Variants in RASSF5 observed in about 807,000 individuals in gnomAD.
RASSF5 encodes the protein Ras association domain family member 5.
RASSF5 carries 25 observed loss-of-function variants against 40.5 expected under a neutral mutation model. That is an observed-to-expected ratio of 0.62 (90% CI 0.45 to 0.86). The LOEUF (loss-of-function observed/expected upper bound fraction) is 0.86, where lower values mean the gene tolerates loss of function less well. Among genes scored for constraint, RASSF5 ranks in the 40% least tolerant of loss-of-function variants. RASSF5 has a pLI of 0.00. For synonymous variants in RASSF5, 246 were observed against 252.4 expected (o/e 0.97, Z 0.24); for missense variants, 521 against 572.8 (o/e 0.91, Z 0.92).
chr1:206,538,324 G>C (rs1553398948), intron 2 of RASSF5, 31 bp downstream of exon 2: 3 of 1,611,014 alleles, frequency 1.9e-6, no homozygotes, highest in Non-Finnish European at 2.5e-6. Context: ...ACCAAGCTGG[G>C]AACAGCCTCT....
Position 206,587,069 on chromosome 1 carries a change from C to A in RASSF5, c.*91C>A. 6.7e-7 allele frequency: 1 copy of A among 1,482,842 alleles called. No individual in the cohort carries two copies. The highest frequency in any genetic ancestry group is 1.4e-5 in the African/African-American group (1 of 71,558). The allele number at this position is 1,482,842 out of a possible 1,614,324, so 91.9% of individuals were successfully genotyped here. ...ACAGACACTTTTTCTCAGGACATCT[C>A]TGGCAGGTGCATTTGTGCCTGCCCA... is the stretch of plus-strand genomic sequence containing the variant. On this transcript the variant is annotated 3_prime_UTR_variant, in exon 6 of 6. Coordinates refer to ENST00000579436, the MANE Select transcript of RASSF5 (RefSeq NM_182663.4).
Position 206,538,179 on chromosome 1 carries a change from A to G in RASSF5, c.465A>G (p.Lys155=), listed in dbSNP as rs147783798. 910 of 1,614,150 alleles carry G rather than the reference A, an allele frequency of 5.6e-4. 9 individuals are homozygous for G. In the African/African-American group the frequency reaches 9.2e-3, roughly 16 times the overall value. ...TTTGTTCTTTACCTCCAGACTGTAA[A>G]TTCACCTGTCACCCAGAATGCCGCA... ...LRQALRCTNC[K]FTCHPECRSL... is the part of the protein sequence containing the mutation. Residue 155 remains lysine, a synonymous_variant, in exon 2 of 6, where the codon AAA becomes AAG. Coordinates refer to ENST00000579436, the MANE Select transcript of RASSF5 (RefSeq NM_182663.4).
intron 2 of RASSF5, chr1:206,557,383 C>A: frequency 7.4e-7 from 1 of 1,356,340 alleles, no homozygotes; most frequent in Non-Finnish European, 9.5e-7. Flanking sequence ...AGCGCTCGCA[C>A]CCCGCTGAAA....
chr1:206,562,255 T>C (rs989944175), intron 2 of RASSF5, among the ~76,000 whole-genome samples: 2 of 152,130 alleles, frequency 1.3e-5, no homozygotes, highest in African/African-American at 4.8e-5. Flanking sequence ...GGTCCCCATC[T>C]CTCTGCTAGC....
At chr1:206,519,815 G>T (rs145311415) in intron 1 of RASSF5, among the ~76,000 whole-genome samples, 247 of 152,276 alleles carry the variant, frequency 1.6e-3, no homozygotes, top group African/African-American at 5.7e-3. Flanking sequence ...TGAGAAGTGG[G>T]AATTTTAATT....
rs1553407207 is a variant in RASSF5 at position 206,584,688 on chromosome 1, G to A, written c.988+4G>A. 2 of 1,614,196 alleles carry A rather than the reference G, an allele frequency of 1.2e-6. No homozygotes were observed. The highest frequency in any genetic ancestry group is 1.1e-5 in the South Asian group (1 of 91,090). On this transcript the variant is annotated splice_donor_region_variant and intron_variant, in intron 4 of 5. Transcript: ENST00000579436. The surrounding 1 kb of genome is among the most constrained non-coding windows in gnomAD (Gnocchi z 4.9). The stretch of plus-strand genomic sequence containing the variant: ...CGGATACACAAGGACGGACAAGGTA[G>A]GAGAAAGAGTGAACCCAACCAGACC...
At position 206,579,966 on chromosome 1, in the gene RASSF5, C is replaced by G. The variant is rs1188667559; in HGVS notation, c.580-3303C>G. The stretch of plus-strand genomic sequence containing the variant: ...AGACCTGGGTGCTGGCATTCCATGG[C>G]TGTGACATTCGTAGTGTTGGCTACA... On this transcript the variant is annotated intron_variant, in intron 2 of 5. Coordinates refer to ENST00000579436, the MANE Select transcript of RASSF5 (RefSeq NM_182663.4). The surrounding 1 kb of genome is among the most constrained non-coding windows in gnomAD (Gnocchi z 4.2). 2.0e-5 allele frequency among the ~76,000 whole-genome samples: 3 copies of G among 152,218 alleles called. No individual in the cohort carries two copies. The highest frequency in any genetic ancestry group is 7.2e-5 in the African/African-American group (3 of 41,450).
intron 2 of RASSF5, among the ~76,000 whole-genome samples, chr1:206,540,418 TC>T (rs1298979463): frequency 2.0e-5 from 3 of 152,310 alleles, no homozygotes; most frequent in African/African-American, 7.2e-5. Context: ...GCAAGTGAAA[TC>T]AGGGCTTGTC....
At chr1:206,574,660 C>T (rs1487319095) in intron 2 of RASSF5, among the ~76,000 whole-genome samples, 1 of 152,158 alleles carries the variant, frequency 6.6e-6, no homozygotes, top group African/African-American at 2.4e-5. Context: ...GAGTTCCCAA[C>T]CCTTTTAATT....
intron 1 of RASSF5, chr1:206,518,470 TC>T (rs1666819808): frequency 5.0e-6 from 2 of 398,444 alleles, no homozygotes; most frequent in Non-Finnish European, 8.8e-6. Flanking sequence ...TTCTGCAGGC[TC>T]CCGAAGAGCC....
Position 206,535,716 on chromosome 1 carries a change from G to T in RASSF5, c.458-2456G>T, listed in dbSNP as rs1356789900. 0.056 allele frequency among the ~76,000 whole-genome samples: 4,613 copies of T among 82,114 alleles called. 87 individuals carry two copies. Among genetic ancestry groups the T allele is most frequent in the African/African-American group, 0.13 (2,545 of 19,702 alleles). The allele number at this position is 82,114 out of a possible 152,430, so 53.9% of individuals were successfully genotyped here. ...GTGTGTGTGTGTCTGTGTGTGTGTG[G>T]TGTGTGTGTGTGTGTGTGTGTGTGT... On this transcript the variant is annotated intron_variant, in intron 1 of 5. Transcript: ENST00000579436. The surrounding 1 kb of genome is among the most constrained non-coding windows in gnomAD (Gnocchi z 5.0).
intron 2 of RASSF5, among the ~76,000 whole-genome samples, chr1:206,561,930 G>A (rs1388140955): frequency 6.6e-6 from 1 of 151,568 alleles, no homozygotes; most frequent in African/African-American, 2.4e-5. Flanking sequence ...GGCCTCCCAA[G>A]GTGCTGGGAT....
At chr1:206,578,069 T>TAA (rs35230319) in intron 2 of RASSF5, among the ~76,000 whole-genome samples, 3 of 150,908 alleles carry the variant, frequency 2.0e-5, no homozygotes, top group South Asian at 2.1e-4. Context: ...TACAAAAAAA[T>TAA]AAAAAAAATT....
intron 1 of RASSF5, among the ~76,000 whole-genome samples, chr1:206,524,069 TAA>T (rs1667018046): frequency 7.2e-5 from 5 of 69,332 alleles, no homozygotes; most frequent in Non-Finnish European, 1.8e-4. Flanking sequence ...ATAACATATA[TAA>T]TATATTTTAT....
At position 206,583,260 on chromosome 1, in the gene RASSF5, C is replaced by G. The variant is rs1014307238; in HGVS notation, c.580-9C>G. ...TACACATCCACCTCCACTTCTGTGT[C>G]TCTTCCAGAATGTCTGTAAACCTGT... On this transcript the variant is annotated splice_polypyrimidine_tract_variant and intron_variant, in intron 2 of 5. Transcript: ENST00000579436. 8 of 1,588,882 alleles carry G rather than the reference C, an allele frequency of 5.0e-6. No individual in the cohort carries two copies. The highest frequency in any genetic ancestry group is 6.0e-6 in the Non-Finnish European group (7 of 1,157,386).
Position 206,507,747 on chromosome 1 carries a change from C to G in RASSF5, c.145C>G (p.Pro49Ala). Reference sequence around the variant, plus strand: ...GTCCTCGCGCCTCTGTGTCCCGGCGCCCCTCTCCACTGCGCCCGGGGCGCG... The same window carrying G: ...GTCCTCGCGCCTCTGTGTCCCGGCGGCCCTCTCCACTGCGCCCGGGGCGCG... ...DRSSRLCVPA[P>A]LSTAPGAREG... The change falls in exon 1 of 6, where the codon CCC (proline) becomes GCC (alanine). Residue 49 changes from proline to alanine, a missense_variant. Physicochemically the swap from Pro to Ala is conservative, Grantham distance 27. Coordinates refer to ENST00000579436, the MANE Select transcript of RASSF5 (RefSeq NM_182663.4). 6.9e-7 allele frequency: 1 copy of G among 1,456,746 alleles called. No homozygotes were observed. Among genetic ancestry groups the G allele is most frequent in the Non-Finnish European group, 9.0e-7 (1 of 1,112,014 alleles). 90.2% of individuals were successfully genotyped at this position (1,456,746 alleles called of 1,614,324 possible).
intron 1 of RASSF5, among the ~76,000 whole-genome samples, chr1:206,520,621 A>AAAAG (rs1553395973): frequency 6.6e-6 from 1 of 151,254 alleles, no homozygotes; most frequent in Non-Finnish European, 1.5e-5. Context: ...AAAAAAAAAA[A>AAAAG]AGAGAAAAGA....
At chr1:206,525,494 G>T (rs1553397053) in intron 1 of RASSF5, among the ~76,000 whole-genome samples, 1 of 152,166 alleles carries the variant, frequency 6.6e-6, no homozygotes, top group African/African-American at 2.4e-5. Flanking sequence ...TTACAAGCTT[G>T]AACTCCTGGG....
At chr1:206,551,075 A>AACTC (rs1667826749) in intron 2 of RASSF5, among the ~76,000 whole-genome samples, 1 of 152,148 alleles carries the variant, frequency 6.6e-6, no homozygotes, top group Admixed American at 6.5e-5. Context: ...AAATGAGAGG[A>AACTC]ACTCACCACC....
Sources: gnomAD v4.1 joint callset for allele counts (sites outside exome capture counted in the v4.1 genomes callset) on GRCh38, gnomAD v4.1.1 for gene constraint, Gnocchi (gnomAD v3.1) non-coding constraint, MANE v1.5 for transcripts, NCBI Gene and HGNC (gene_info 2026-07-23, HGNC 2026-07-21) for gene names.